Variants in RBPMS2 observed in about 807,000 individuals in gnomAD.
RBPMS2 encodes the protein RNA-binding protein with multiple splicing 2.
In RBPMS2, 14 loss-of-function variants were observed where a neutral mutation model predicts 25.7. The ratio of observed to expected loss-of-function variants is 0.55; its 90% CI spans 0.36 to 0.85. The LOEUF (loss-of-function observed/expected upper bound fraction) is 0.85. RBPMS2 is among the 40% of genes least tolerant of loss of function. The probability of loss-of-function intolerance (pLI) is 0.01; values close to 1 mark genes in which losing one functional copy is unlikely to be tolerated. For synonymous variants in RBPMS2, 127 were observed against 115.6 expected, an observed-to-expected ratio of 1.10 and a Z score of -0.63; for missense variants, 252 against 283.4, an observed-to-expected ratio of 0.89 and a Z score of 0.80.
chr15:64,762,043 G>A (rs1325709610), intron 1 of RBPMS2, among the ~76,000 whole-genome samples: 1 of 151,916 alleles, frequency 6.6e-6, no homozygotes, highest in Admixed American at 6.6e-5. Context: ...GTAGAGGTGG[G>A]GTCTCACCAT....
At chr15:64,774,762 G>C (rs572450227) in intron 1 of RBPMS2, among the ~76,000 whole-genome samples, 2 of 147,928 alleles carry the variant, frequency 1.4e-5, no homozygotes, top group African/African-American at 5.0e-5. Flanking sequence ...CAAGGTCACG[G>C]GGAGGGGGTC....
chr15:64,768,227 G>A (rs190720048), intron 1 of RBPMS2, among the ~76,000 whole-genome samples: 1 of 152,322 alleles, frequency 6.6e-6, no homozygotes, highest in East Asian at 1.9e-4. Context: ...AAATAAAACT[G>A]CTTGGGCGTG....
At chr15:64,750,272 T>TTG in intron 3 of RBPMS2, 71 bp downstream of exon 3, 1 of 1,341,818 alleles carries the variant, frequency 7.5e-7, no homozygotes. Context: ...AGGGAAGGGT[T>TTG]AACGGGCCCT....
chr15:64,752,164 A>G (rs536079628), intron 1 of RBPMS2, among the ~76,000 whole-genome samples: 1 of 152,134 alleles, frequency 6.6e-6, no homozygotes, highest in East Asian at 1.9e-4. Context: ...AGCCTCCTCT[A>G]AAAATCTGAA....
chr15:64,752,618 T>G (rs1469898893), intron 1 of RBPMS2, among the ~76,000 whole-genome samples: 1 of 141,346 alleles, frequency 7.1e-6, no homozygotes, highest in Admixed American at 7.1e-5. Flanking sequence ...ATGCTGTGAG[T>G]TTTTTTTTTT....
At position 64,749,417 on chromosome 15, in the gene RBPMS2, C is replaced by G; in HGVS notation, c.267+14G>C. On this transcript the variant is annotated intron_variant, in intron 4 of 7. Transcript: ENST00000300069. ...GGCTGTGAGTCAGAGAAGACCTGTT[C>G]TCCACCTACTCACGTTCAGCGCATT... 6.2e-7 allele frequency: 1 copy of G among 1,610,476 alleles called. No homozygotes were observed. The highest frequency in any genetic ancestry group is 8.5e-7 in the Non-Finnish European group (1 of 1,177,370).
intron 1 of RBPMS2, among the ~76,000 whole-genome samples, chr15:64,757,122 A>G (rs1595790302): frequency 6.6e-6 from 1 of 152,074 alleles, no homozygotes; most frequent in African/African-American, 2.4e-5. Flanking sequence ...ATAGGTGTGC[A>G]CCACAATGCC....
intron 6 of RBPMS2, among the ~76,000 whole-genome samples, chr15:64,746,643 T>A (rs1364517326): frequency 6.6e-6 from 1 of 152,154 alleles, no homozygotes; most frequent in Non-Finnish European, 1.5e-5. Context: ...GGCGTGGAGC[T>A]CAGGGCCAGA....
chr15:64,743,461 A>G (rs1318288897), intron 6 of RBPMS2, among the ~76,000 whole-genome samples: 1 of 152,272 alleles, frequency 6.6e-6, no homozygotes, highest in East Asian at 1.9e-4. Flanking sequence ...TGCATTTAGA[A>G]GGGCTGCTTT....
intron 1 of RBPMS2, among the ~76,000 whole-genome samples, chr15:64,754,089 T>C (rs11630475): frequency 0.014 from 2,149 of 152,256 alleles, 34 homozygotes; most frequent in Non-Finnish European, 0.023. Flanking sequence ...GGCGGGTGGA[T>C]CACTTGAGGT....
At chr15:64,764,278 T>C (rs1268558156) in intron 1 of RBPMS2, among the ~76,000 whole-genome samples, 1 of 152,058 alleles carries the variant, frequency 6.6e-6, no homozygotes, top group African/African-American at 2.4e-5. Flanking sequence ...TGCCATACAA[T>C]ACCCTACAGA....
chr15:64,758,040 T>C (rs1404959032), intron 1 of RBPMS2, among the ~76,000 whole-genome samples: 1 of 152,174 alleles, frequency 6.6e-6, no homozygotes, highest in Non-Finnish European at 1.5e-5. Flanking sequence ...CACCGACAAC[T>C]AGTTGATGAC....
chr15:64,762,628 C>T (rs933678206), intron 1 of RBPMS2: 5 of 445,902 alleles, frequency 1.1e-5, no homozygotes, highest in African/African-American at 4.1e-5. Flanking sequence ...CTCAAAACAA[C>T]GTCAGGAAGC....
chr15:64,759,801 T>C (rs2083766261), intron 1 of RBPMS2, among the ~76,000 whole-genome samples: 1 of 151,982 alleles, frequency 6.6e-6, no homozygotes, highest in Admixed American at 6.6e-5. Context: ...GCCTCCGGAG[T>C]AGCTATGACT....
intron 1 of RBPMS2, among the ~76,000 whole-genome samples, chr15:64,773,733 G>A (rs1020686706): frequency 1.3e-5 from 2 of 151,950 alleles, no homozygotes; most frequent in Admixed American, 1.3e-4. Flanking sequence ...AGCTTTATAG[G>A]AGACATGCTC....
chr15:64,741,348 C>T, intron 6 of RBPMS2, 106 bp from the exon 7 acceptor site: 2 of 857,576 alleles, frequency 2.3e-6, no homozygotes, highest in Non-Finnish European at 3.8e-6. Context: ...GGTTCTGTCA[C>T]TGATTGGCTG....
rs773540516 is a variant in RBPMS2 at position 64,748,430 on chromosome 15, G to GGGC, written c.553_555dup (p.Ala185dup). ...CTTAAAGGGCTTACCTGAGCGTGGAGGGCGGCGGCAGCGGCAGTGGCAGTT... is the reference window on the plus strand; with the variant it reads ...CTTAAAGGGCTTACCTGAGCGTGGAGGGCGGCGGCGGCAGCGGCAGTGGCAGTT... On this transcript the variant is annotated inframe_insertion, in exon 6 of 8. Transcript: ENST00000300069. 1 of 1,614,032 alleles carries GGGC rather than the reference G, an allele frequency of 6.2e-7. No homozygotes were observed. Among genetic ancestry groups the GGGC allele is most frequent in the South Asian group, 1.1e-5 (1 of 91,078 alleles).
chr15:64,749,583 GT>G, intron 3 of RBPMS2, 90 bp from the exon 4 acceptor site: 1 of 1,178,038 alleles, frequency 8.5e-7, no homozygotes, highest in South Asian at 1.3e-5. Flanking sequence ...TATCATCTAT[GT>G]GGAAACAGTA....
At chr15:64,762,436 T>A (rs2083798758) in intron 1 of RBPMS2, 1 of 534,648 alleles carries the variant, frequency 1.9e-6, no homozygotes, top group South Asian at 1.4e-5. Flanking sequence ...ATTTCTAAGT[T>A]TACGGCTTTC....
Sources: gnomAD v4.1 joint callset for allele counts (sites outside exome capture counted in the v4.1 genomes callset) on GRCh38, gnomAD v4.1.1 for gene constraint, MANE v1.5 for transcripts, NCBI Gene and HGNC (gene_info 2026-07-23, HGNC 2026-07-21) for gene names.